Variants in ABCC3 observed in about 807,000 individuals in gnomAD.
The protein encoded by ABCC3 is ATP-binding cassette sub-family C member 3.
In ABCC3, 121 loss-of-function variants were observed where a neutral mutation model predicts 165.3. The observed-to-expected ratio is 0.73, with a 90% confidence interval of 0.63 to 0.85. The LOEUF (loss-of-function observed/expected upper bound fraction) is 0.85. Among genes scored for constraint, ABCC3 ranks in the 40% least tolerant of loss-of-function variants. The pLI, the probability that ABCC3 is intolerant of heterozygous loss-of-function variation, is 0.00. For missense variants in ABCC3, 1,869 were observed against 1,964.1 expected (o/e 0.95, Z 0.92); for synonymous variants, 733 against 810.1 (o/e 0.90, Z 1.62).
chr17:50,687,777 G>A (rs779947111), intron 30 of ABCC3, 47 bp downstream of exon 30: 6 of 1,580,986 alleles, frequency 3.8e-6, no homozygotes, highest in Non-Finnish European at 5.2e-6. Flanking sequence ...GGGGCCACCT[G>A]GGGCATCAGG....
chr17:50,655,442 T>C (rs928147863), intron 1 of ABCC3, among the ~76,000 whole-genome samples: 2 of 103,380 alleles, frequency 1.9e-5, no homozygotes, highest in Non-Finnish European at 4.2e-5. Flanking sequence ...AAAAAAAGAG[T>C]GGGAATCCAG....
chr17:50,663,638 T>C, intron 8 of ABCC3, 43 bp from the exon 9 acceptor site: 1 of 1,600,008 alleles, frequency 6.2e-7, no homozygotes, highest in East Asian at 2.2e-5. Flanking sequence ...GGAGCAGCCA[T>C]GGGGGCAGCA....
rs545752185 is a variant in ABCC3 at position 50,676,204 on chromosome 17, C to T, written c.3068-74C>T. The stretch of plus-strand genomic sequence containing the variant: ...CCTCCCTAACCCACTCTGGTCAACC[C>T]GTGTCTCTGATTCTGCCCCTTTGTG... On this transcript the variant is annotated intron_variant, in intron 22 of 30. Coordinates refer to ENST00000285238, the MANE Select transcript of ABCC3 (RefSeq NM_003786.4). 9.3e-5 allele frequency: 147 copies of T among 1,585,808 alleles called. 1 individual carries two copies. In the South Asian group the frequency reaches 1.4e-3, roughly 15 times the overall value.
intron 1 of ABCC3, among the ~76,000 whole-genome samples, chr17:50,637,748 A>C (rs1239089396): frequency 6.6e-6 from 1 of 152,242 alleles, no homozygotes; most frequent in Non-Finnish European, 1.5e-5. Flanking sequence ...AAGAACTAAG[A>C]AGTTTTCTAT....
chr17:50,658,911 G>A (rs1344407458), intron 6 of ABCC3, among the ~76,000 whole-genome samples: 2 of 152,354 alleles, frequency 1.3e-5, no homozygotes, highest in African/African-American at 4.8e-5. Context: ...GGAAGCACCC[G>A]AGGCTGGGGC....
rs1567828330 is a variant in ABCC3 at position 50,656,081 on chromosome 17, A to AATT, written c.222+74_222+75insTTA. 441 of 1,155,804 alleles carry AATT rather than the reference A, an allele frequency of 3.8e-4. No homozygotes were observed. The African/African-American group carries it at 5.6e-3, about 15-fold the overall frequency. The allele number at this position is 1,155,804 out of a possible 1,614,324, so 71.6% of individuals were successfully genotyped here. On this transcript the variant is annotated intron_variant, in intron 2 of 30. Coordinates refer to ENST00000285238, the MANE Select transcript of ABCC3 (RefSeq NM_003786.4). ...TCTGCTTTTATTTTTTAATTTAATT[A>AATT]AATTAATTAATTAATTAATTTAGAG...
chr17:50,655,415 A>AAAAAC (rs1967212426), intron 1 of ABCC3, among the ~76,000 whole-genome samples: 1 of 148,506 alleles, frequency 6.7e-6, no homozygotes, highest in African/African-American at 2.5e-5. Context: ...AAAAAAAAAA[A>AAAAAC]AAAAAACAAA....
rs150458912 is a variant in ABCC3 at position 50,650,795 on chromosome 17, G to A, written c.46-5037G>A. ...GAATTCTTAACCCCGGCCAGGTACAGTGGCTCATGCCTGTAATCCCAGCAC... is the reference window on the plus strand; with the variant it reads ...GAATTCTTAACCCCGGCCAGGTACAATGGCTCATGCCTGTAATCCCAGCAC... On this transcript the variant is annotated intron_variant, in intron 1 of 30. Transcript: ENST00000285238. 3.5e-3 allele frequency among the ~76,000 whole-genome samples: 533 copies of A among 152,186 alleles called. 8 individuals carry two copies. Among genetic ancestry groups the A allele is most frequent in the African/African-American group, 0.012 (496 of 41,516 alleles).
rs2146622468 is a variant in ABCC3 at position 50,669,252 on chromosome 17, A to C, written c.2050A>C (p.Lys684Gln). Residue 684 changes from lysine (K) to glutamine (Q), a missense_variant, in exon 16 of 31, where the codon AAA (lysine) becomes CAA (glutamine). Coordinates refer to ENST00000285238, the MANE Select transcript of ABCC3 (RefSeq NM_003786.4). ...GGGAGAGATGGAGAAGCTAGAAGGC[A>C]AAGTGCACATGAAGGTGAGAGAGGC... Reference protein sequence around the residue: ...LLGEMEKLEGKVHMKGSVAYV... With the variant: ...LLGEMEKLEGQVHMKGSVAYV... 1 of 1,614,026 alleles carries C rather than the reference A, an allele frequency of 6.2e-7. No individual in the cohort carries two copies. Among genetic ancestry groups the C allele is most frequent in the African/African-American group, 1.3e-5 (1 of 75,048 alleles).
chr17:50,680,946 C>T (rs2146639382), intron 26 of ABCC3, among the ~76,000 whole-genome samples: 1 of 152,182 alleles, frequency 6.6e-6, no homozygotes, highest in East Asian at 1.9e-4. Context: ...CGTGGTGGTG[C>T]ACACCTGTAT....
intron 30 of ABCC3, among the ~76,000 whole-genome samples, chr17:50,689,623 C>G (rs1256770036): frequency 6.6e-6 from 1 of 152,212 alleles, no homozygotes; most frequent in Non-Finnish European, 1.5e-5. Flanking sequence ...AGACCTTGCT[C>G]TCTTGGAAGT....
rs1476414792 is a variant in ABCC3 at position 50,684,744 on chromosome 17, C to G, written c.4149C>G (p.Asn1383Lys). 6.2e-7 allele frequency: 1 copy of G among 1,614,152 alleles called. No individual in the cohort carries two copies. The change falls in exon 29 of 31, where the codon AAC becomes AAG. Residue 1383 changes from asparagine to lysine, a missense_variant. Asn to Lys is a moderately conservative substitution (Grantham distance 94). Transcript: ENST00000285238. ...PILFSGTLRM[N>K]LDPFGSYSEE... ...TGTTCTCGGGGACCCTGCGCATGAA[C>G]CTGGACCCCTTCGGCAGCTACTCAG...
rs1450132879 is a variant in ABCC3, at chr17:50,678,189, G to A, written c.3675G>A (p.Leu1225=). The A allele has an allele frequency of 1.3e-6, 2 of 1,537,844 alleles. No homozygotes were observed. The highest frequency in any genetic ancestry group is 1.7e-6 in the Non-Finnish European group (2 of 1,143,684). Residue 1225 remains leucine (L), a synonymous_variant, in exon 25 of 31, where the codon CTG becomes CTA. Transcript: ENST00000285238. Reference sequence around the variant, plus strand: ...GGAGGAGCAGCCTGAACCCGGGGCTGGTGGGCCTTTCTGTGTCCTACTCCT... The same window carrying A: ...GGAGGAGCAGCCTGAACCCGGGGCTAGTGGGCCTTTCTGTGTCCTACTCCT... ...VIGRSSLNPG[L]VGLSVSYSLQ...
Position 50,673,823 on chromosome 17 carries a change from C to T in ABCC3, c.2599+165C>T, listed in dbSNP as rs1014032473. ...AGAGGTAAAGTAAACTGGACATAGTCGGGTCCCACTGCCTCCTCCATCCTA... is the reference window on the plus strand; with the variant it reads ...AGAGGTAAAGTAAACTGGACATAGTTGGGTCCCACTGCCTCCTCCATCCTA... On this transcript the variant is annotated intron_variant, in intron 19 of 30. Transcript: ENST00000285238. Among the ~76,000 whole-genome samples the T allele has an allele frequency of 9.2e-5, 14 of 151,828 alleles. 1 individual carries two copies. Among genetic ancestry groups the T allele is most frequent in the Admixed American group, 7.9e-4 (12 of 15,242 alleles).
At chr17:50,643,678 G>T (rs1243689345) in intron 1 of ABCC3, 1 of 455,600 alleles carries the variant, frequency 2.2e-6, no homozygotes. Flanking sequence ...TTTCAGCCAG[G>T]CCTGTCACCC....
intron 17 of ABCC3, among the ~76,000 whole-genome samples, chr17:50,670,368 C>T (rs932035150): frequency 6.6e-6 from 1 of 152,164 alleles, no homozygotes; most frequent in African/African-American, 2.4e-5. Flanking sequence ...CAGGCATGAG[C>T]ACCGTGCCTA....
Position 50,669,263 on chromosome 17 carries a change from G to A in ABCC3, c.2061G>A (p.Met687Ile). The A allele has an allele frequency of 1.2e-6, 2 of 1,614,110 alleles. No homozygotes were observed. Among genetic ancestry groups the A allele is most frequent in the Non-Finnish European group, 1.7e-6 (2 of 1,180,014 alleles). ...AGAAGCTAGAAGGCAAAGTGCACAT[G>A]AAGGTGAGAGAGGCAGGGGCTCCTG... ...EMEKLEGKVH[M>I]KGSVAYVPQQ... Residue 687 changes from methionine to isoleucine, a missense_variant, in exon 16 of 31, where the codon ATG (methionine) becomes ATA (isoleucine). Transcript: ENST00000285238.
At chr17:50,675,033 C>T (rs1375623129) in intron 19 of ABCC3, among the ~76,000 whole-genome samples, 2 of 152,010 alleles carry the variant, frequency 1.3e-5, no homozygotes, top group South Asian at 2.1e-4. Context: ...CTCCTGACCT[C>T]GTGAGCTGCC....
At position 50,657,054 on chromosome 17, in the gene ABCC3, C is replaced by A. The variant is rs748967146; in HGVS notation, c.357C>A (p.Ala119=). The A allele has an allele frequency of 5.0e-6, 8 of 1,613,494 alleles. No individual in the cohort carries two copies. The highest frequency in any genetic ancestry group is 4.4e-5 in the South Asian group (4 of 91,012). ...PLVVGVTMLL[A]TLLIQYERLQ... ...CTGCCCTCCCTGCACAGCTGCTGGC[C>A]ACCCTGCTGATACAGTATGAGCGGC... Residue 119 remains alanine, a synonymous_variant, in exon 4 of 31, where the codon GCC becomes GCA. Coordinates refer to ENST00000285238, the MANE Select transcript of ABCC3 (RefSeq NM_003786.4).
Sources: gnomAD v4.1 joint callset for allele counts (sites outside exome capture counted in the v4.1 genomes callset) on GRCh38, gnomAD v4.1.1 for gene constraint, MANE v1.5 for transcripts, NCBI Gene and HGNC (gene_info 2026-07-23, HGNC 2026-07-21) for gene names.